GPHN: variants seen among roughly 807,000 people sequenced by gnomAD.
The protein encoded by GPHN is gephyrin.
Under a neutral mutation model 95.5 loss-of-function variants are expected in GPHN, and 17 were observed. The observed-to-expected ratio is 0.18, with a 90% CI of 0.12 to 0.27. The LOEUF is 0.27. Among genes scored for constraint, GPHN ranks in the 10% least tolerant of loss-of-function variants. The pLI is 1.00. For missense variants in GPHN, 660 were observed against 978.1 expected (o/e 0.67, Z 4.34); for synonymous variants, 320 against 322.5 (o/e 0.99, Z 0.08).
Position 67,029,988 on chromosome 14 carries a change from C to CTTT in GPHN, c.1006+6328_1006+6330dup, listed in dbSNP as rs10561726. Among the ~76,000 whole-genome samples, 26 of 129,902 alleles carry CTTT rather than the reference C, an allele frequency of 2.0e-4. No individual in the cohort carries two copies. The East Asian group carries it at 4.8e-3, about 24-fold the overall frequency. The allele number at this position is 129,902 out of a possible 152,430, so 85.2% of individuals were successfully genotyped here. A position where few individuals can be genotyped will look rare whatever the true frequency, so the allele number is the denominator to read the frequency against. ...ATTTTCTCCAGCTTCTTTGGTAGCTCTTTTTTTTTTTTTTTTTGGCCCAGT... is the reference window on the plus strand; with the variant it reads ...ATTTTCTCCAGCTTCTTTGGTAGCTCTTTTTTTTTTTTTTTTTTTTGGCCCAGT... On this transcript the variant is annotated intron_variant, in intron 10 of 22. Coordinates refer to ENST00000478722, the MANE Select transcript of GPHN (RefSeq NM_020806.5).
chr14:66,909,355 G>T (rs935460644), intron 5 of GPHN, among the ~76,000 whole-genome samples: 3 of 151,948 alleles, frequency 2.0e-5, no homozygotes, highest in Non-Finnish European at 4.4e-5. Context: ...TACAAAACTA[G>T]AAAATGATAG....
At chr14:67,614,797 C>T in the GPHN span, 2 of 151,740 alleles carry the variant, frequency 1.3e-5, no homozygotes, top group Non-Finnish European at 2.9e-5. Flanking sequence ...CCAGACTTAT[C>T]ACTGCCTAAT....
chr14:67,349,914 C>T, the GPHN span, among the ~76,000 whole-genome samples: 1 of 152,160 alleles, frequency 6.6e-6, no homozygotes, highest in Admixed American at 6.5e-5. Flanking sequence ...AGATAATAGG[C>T]ATCATGTCAT....
the GPHN span, chr14:67,729,914 A>G: frequency 4.6e-6 from 2 of 430,138 alleles, no homozygotes; most frequent in Non-Finnish European, 9.2e-6. Context: ...CCCAGGGTGA[A>G]ATCTCTTTCC....
chr14:66,547,149 TAAAGC>T (rs2059634528), intron 1 of GPHN, among the ~76,000 whole-genome samples: 1 of 152,200 alleles, frequency 6.6e-6, no homozygotes, highest in Non-Finnish European at 1.5e-5. Flanking sequence ...GAATTAGAAT[TAAAGC>T]AGGAGGAAGG....
At chr14:67,450,310 T>A in the GPHN span, among the ~76,000 whole-genome samples, 1 of 151,624 alleles carries the variant, frequency 6.6e-6, no homozygotes, top group East Asian at 1.9e-4. Context: ...ACCAGTAGAG[T>A]GGGGCACTGC....
the GPHN span, among the ~76,000 whole-genome samples, chr14:67,330,030 A>AAAG: frequency 2.6e-5 from 4 of 150,958 alleles, no homozygotes; most frequent in African/African-American, 9.7e-5. Context: ...ATGTATTGTT[A>AAAG]AAGTCACAGA....
In GPHN at chr14:66,540,087, CACA is replaced by C. The variant is rs112057050; in HGVS notation, c.64+31504_64+31506del. 3.6e-3 allele frequency among the ~76,000 whole-genome samples: 556 copies of C among 152,338 alleles called. 12 individuals are homozygous for C. The highest frequency in any genetic ancestry group is 0.013 in the African/African-American group (530 of 41,576). ...ACAAATGACCTCTATTTCAGCAGCT[CACA>C]ACAACAATTGCTTATTTTTGCTCTT... On this transcript the variant is annotated intron_variant, in intron 1 of 22. Coordinates refer to ENST00000478722, the MANE Select transcript of GPHN (RefSeq NM_020806.5).
chr14:67,611,951 G>A, the GPHN span, among the ~76,000 whole-genome samples: 1 of 152,298 alleles, frequency 6.6e-6, no homozygotes, highest in Admixed American at 6.5e-5. Context: ...CATGGGTGAT[G>A]GGAGACAGTG....
the GPHN span, chr14:67,620,784 C>G: frequency 1.0e-6 from 1 of 996,200 alleles, no homozygotes; most frequent in Admixed American, 1.9e-5. Flanking sequence ...GATGGAAGGG[C>G]TGATGCTGTC....
At chr14:67,367,240 CTT>C in the GPHN span, among the ~76,000 whole-genome samples, 1 of 152,108 alleles carries the variant, frequency 6.6e-6, no homozygotes, top group African/African-American at 2.4e-5. Context: ...TCTATATTCT[CTT>C]TTTTTGGGGG....
chr14:66,648,333 T>G (rs2064862413), intron 1 of GPHN, among the ~76,000 whole-genome samples: 1 of 152,222 alleles, frequency 6.6e-6, no homozygotes, highest in South Asian at 2.1e-4. Context: ...CTTATGGATT[T>G]CTTTGCACTA....
intron 10 of GPHN, among the ~76,000 whole-genome samples, chr14:67,052,827 AACCTGCCCCTGAATG>A (rs1347519927): frequency 6.6e-6 from 1 of 152,174 alleles, no homozygotes; most frequent in Non-Finnish European, 1.5e-5. Flanking sequence ...GAAATTAAGC[AACCTGCCCCTGAATG>A]ACTCCTGGAT....
At chr14:67,481,765 T>A in the GPHN span, among the ~76,000 whole-genome samples, 1 of 151,792 alleles carries the variant, frequency 6.6e-6, no homozygotes, top group African/African-American at 2.4e-5. Context: ...ACTCCCTATA[T>A]CCTTAGGCTC....
chr14:67,653,951 T>C, the GPHN span, among the ~76,000 whole-genome samples: 12 of 152,194 alleles, frequency 7.9e-5, no homozygotes, highest in African/African-American at 2.9e-4. Context: ...TAAGAGACAG[T>C]TACATTGAAC....
the GPHN span, among the ~76,000 whole-genome samples, chr14:67,451,421 G>A: frequency 6.6e-6 from 1 of 152,366 alleles, no homozygotes; most frequent in African/African-American, 2.4e-5. Context: ...ATGCCAGTCT[G>A]TGAAAGCAGC....
At chr14:67,228,273 GA>G in the GPHN span, 1 of 230,248 alleles carries the variant, frequency 4.3e-6, no homozygotes, top group Non-Finnish European at 7.1e-6. Context: ...ATATCAAGAA[GA>G]AAAGTTGTAG....
chr14:67,325,382 G>A, the GPHN span, among the ~76,000 whole-genome samples: 1 of 152,050 alleles, frequency 6.6e-6, no homozygotes, highest in Non-Finnish European at 1.5e-5. Flanking sequence ...GCTTTGTCTA[G>A]GCTAAGTAGG....
chr14:67,124,455 G>A (rs1375593432), intron 17 of GPHN, among the ~76,000 whole-genome samples: 1 of 152,028 alleles, frequency 6.6e-6, no homozygotes, highest in African/African-American at 2.4e-5. Context: ...AAGGAAAGGG[G>A]GGAAAAAGCC....
Sources: allele counts gnomAD v4.1 joint callset (sites outside exome capture counted in the v4.1 genomes callset), GRCh38; gene constraint gnomAD v4.1.1; transcripts MANE v1.5; gene names NCBI Gene and HGNC (gene_info 2026-07-23, HGNC 2026-07-21).